Variants in AIG1 observed in about 807,000 individuals in gnomAD.
AIG1 encodes the protein androgen induced 1, also known as androgen-induced gene 1 protein.
AIG1 carries 23 observed loss-of-function variants against 31.4 expected under a neutral mutation model. The observed-to-expected ratio is 0.73, with a 90% CI of 0.53 to 1.04. The LOEUF is 1.04. Among genes scored for constraint, AIG1 ranks in the 50% least tolerant of loss-of-function variants. The pLI, the probability that AIG1 is intolerant of heterozygous loss-of-function variation, is 0.00. For synonymous variants in AIG1, 100 were observed against 110.5 expected, an observed-to-expected ratio of 0.90 and a Z score of 0.60; for missense variants, 274 against 295.0, an observed-to-expected ratio of 0.93 and a Z score of 0.52.
chr6:143,243,117 A>G (rs1346634258), intron 3 of AIG1, among the ~76,000 whole-genome samples: 2 of 152,208 alleles, frequency 1.3e-5, no homozygotes, highest in Admixed American at 1.3e-4. Context: ...CACAAGGCTT[A>G]TATAAATTCA....
At chr6:143,122,818 C>T (rs1782353383) in intron 1 of AIG1, among the ~76,000 whole-genome samples, 1 of 152,088 alleles carries the variant, frequency 6.6e-6, no homozygotes, top group Admixed American at 6.6e-5. Flanking sequence ...CCACAGATTC[C>T]CATCTTTTAG....
intron 2 of AIG1, among the ~76,000 whole-genome samples, chr6:143,160,220 C>G (rs867797282): frequency 6.6e-6 from 1 of 152,134 alleles, no homozygotes; most frequent in African/African-American, 2.4e-5. Flanking sequence ...TTCTTCATGG[C>G]GAATTTCTCT....
rs115775487 is a variant in AIG1 at position 143,125,729 on chromosome 6, C to T, written c.142-11106C>T. Among the ~76,000 whole-genome samples, 653 of 152,228 alleles carry T rather than the reference C, an allele frequency of 4.3e-3. 5 individuals carry two copies. The highest frequency in any genetic ancestry group is 0.012 in the African/African-American group (512 of 41,524). On this transcript the variant is annotated intron_variant, in intron 1 of 5. Transcript: ENST00000357847. ...AGAATATCCAAATGCCTTCTTTAGA[C>T]GGTTGTTGTTCTTGCTACTTATATA... is the stretch of plus-strand genomic sequence containing the variant.
At chr6:143,286,944 C>T (rs972758289) in intron 4 of AIG1, among the ~76,000 whole-genome samples, 2 of 151,838 alleles carry the variant, frequency 1.3e-5, no homozygotes, top group Non-Finnish European at 2.9e-5. Flanking sequence ...CTCCCATTCT[C>T]GGTGGTTCTG....
intron 1 of AIG1, among the ~76,000 whole-genome samples, chr6:143,105,623 C>T (rs1017064167): frequency 4.6e-5 from 7 of 152,178 alleles, no homozygotes; most frequent in South Asian, 2.1e-4. Context: ...GCAATATAAG[C>T]GAAGGATCGT....
intron 3 of AIG1, among the ~76,000 whole-genome samples, chr6:143,217,966 A>G (rs1004322595): frequency 1.3e-5 from 2 of 152,252 alleles, no homozygotes; most frequent in Non-Finnish European, 2.9e-5. Flanking sequence ...TGAGATCACC[A>G]GTTTCCCTAT....
At chr6:143,231,508 G>A (rs908822078) in intron 3 of AIG1, among the ~76,000 whole-genome samples, 1 of 152,108 alleles carries the variant, frequency 6.6e-6, no homozygotes, top group African/African-American at 2.4e-5. Flanking sequence ...GTGAAAAAGG[G>A]CTCTCTTGGC....
chr6:143,220,090 G>GGGGGAA (rs1467582804), intron 3 of AIG1, among the ~76,000 whole-genome samples: 1 of 151,876 alleles, frequency 6.6e-6, no homozygotes, highest in Non-Finnish European at 1.5e-5. Context: ...ATCTAGCTTA[G>GGGGGAA]GGGGCAGGGG....
At chr6:143,296,501 C>T (rs1390969924) in intron 4 of AIG1, among the ~76,000 whole-genome samples, 1 of 152,126 alleles carries the variant, frequency 6.6e-6, no homozygotes, top group Non-Finnish European at 1.5e-5. Flanking sequence ...TTCACAGGGA[C>T]CCCTATCCTG....
At chr6:143,174,479 T>C (rs1191760418) in intron 3 of AIG1, among the ~76,000 whole-genome samples, 5 of 114,876 alleles carry the variant, frequency 4.4e-5, no homozygotes. Flanking sequence ...AGAGTGAGAC[T>C]CCGTCTCAAA....
chr6:143,164,057 AT>A (rs1475816991), intron 2 of AIG1, among the ~76,000 whole-genome samples: 2 of 152,138 alleles, frequency 1.3e-5, no homozygotes, highest in African/African-American at 4.8e-5. Context: ...GAAACCACCA[AT>A]TTGAAGTGGT....
intron 1 of AIG1, among the ~76,000 whole-genome samples, chr6:143,075,266 T>C (rs1777629473): frequency 1.3e-5 from 2 of 152,174 alleles, no homozygotes; most frequent in Admixed American, 6.6e-5. Context: ...TTTTCGTCTA[T>C]TTTTATTGTT....
chr6:143,068,511 A>G (rs1583053302), intron 1 of AIG1, among the ~76,000 whole-genome samples: 1 of 152,254 alleles, frequency 6.6e-6, no homozygotes, highest in East Asian at 1.9e-4. Flanking sequence ...TGTAAGACAG[A>G]AGCATGGAAT....
chr6:143,306,037 A>G (rs1197834523), intron 4 of AIG1, among the ~76,000 whole-genome samples: 3 of 147,700 alleles, frequency 2.0e-5, no homozygotes, highest in Non-Finnish European at 1.5e-5. Context: ...ATCACAGACT[A>G]GGATTGCAAC....
At chr6:143,272,164 C>T (rs1028650605) in intron 3 of AIG1, among the ~76,000 whole-genome samples, 1 of 151,978 alleles carries the variant, frequency 6.6e-6, no homozygotes, top group Non-Finnish European at 1.5e-5. Flanking sequence ...TCATTGAGTG[C>T]CATCATGTAG....
At chr6:143,190,606 A>T in intron 3 of AIG1, 1 of 985,408 alleles carries the variant, frequency 1.0e-6, no homozygotes, top group Non-Finnish European at 1.2e-6. Context: ...AACTTCATTC[A>T]GTGTCCTGGC....
rs1776725422 is a variant in AIG1, at chr6:143,327,707, A to G, written c.516-5575A>G. ...AAGTTATAAAATTGTAAAAAAAAAAAAAAGATAATGGATTAACTAAATGTG... is the reference window on the plus strand; with the variant it reads ...AAGTTATAAAATTGTAAAAAAAAAAGAAAGATAATGGATTAACTAAATGTG... On this transcript the variant is annotated intron_variant, in intron 4 of 5. Coordinates refer to ENST00000357847, the MANE Select transcript of AIG1 (RefSeq NM_016108.4). The surrounding 1 kb of genome is among the most constrained non-coding windows in gnomAD (Gnocchi z 5.3). 5.9e-6 allele frequency: 1 copy of G among 170,838 alleles called. No homozygotes were observed. The highest frequency in any genetic ancestry group is 1.2e-5 in the Non-Finnish European group (1 of 81,242). 10.6% of individuals were successfully genotyped at this position (170,838 alleles called of 1,614,324 possible). A position where few individuals can be genotyped will look rare whatever the true frequency, so the allele number is the denominator to read the frequency against.
intron 3 of AIG1, among the ~76,000 whole-genome samples, chr6:143,178,990 T>G (rs1445829735): frequency 6.6e-6 from 1 of 152,066 alleles, no homozygotes. Flanking sequence ...ATATAGGAGC[T>G]CTGGGGAGTG....
intron 3 of AIG1, among the ~76,000 whole-genome samples, chr6:143,191,153 A>C (rs1789755398): frequency 6.6e-6 from 1 of 152,178 alleles, no homozygotes; most frequent in Non-Finnish European, 1.5e-5. Flanking sequence ...TATGGCAAAG[A>C]GACAAACCTG....
Sources: allele counts gnomAD v4.1 joint callset (sites outside exome capture counted in the v4.1 genomes callset), GRCh38; gene constraint gnomAD v4.1.1; non-coding constraint Gnocchi (gnomAD v3.1); transcripts MANE v1.5; gene names NCBI Gene and HGNC (gene_info 2026-07-23, HGNC 2026-07-21).